MMP16: variants seen among roughly 807,000 people sequenced by gnomAD.
The protein encoded by MMP16 is matrix metallopeptidase 16, also known as matrix metalloproteinase-16.
MMP16 carries 12 observed loss-of-function variants against 67.8 expected under a neutral mutation model. The observed-to-expected ratio is 0.18, with a 90% CI of 0.11 to 0.29. The LOEUF (loss-of-function observed/expected upper bound fraction) is 0.29, where lower values mean the gene tolerates loss of function less well. MMP16 is among the 10% of genes least tolerant of loss of function. The probability of loss-of-function intolerance (pLI) is 1.00; values close to 1 mark genes in which losing one functional copy is unlikely to be tolerated. For synonymous variants in MMP16, 249 were observed against 255.9 expected (o/e 0.97, Z 0.26); for missense variants, 475 against 765.7 (o/e 0.62, Z 4.48).
intron 7 of MMP16, among the ~76,000 whole-genome samples, chr8:88,067,121 T>C (rs565689010): frequency 5.9e-5 from 9 of 152,184 alleles, no homozygotes; most frequent in Admixed American, 2.0e-4. Context: ...TTAAATGTTC[T>C]TTCTACTATT....
At chr8:88,098,422 G>T (rs967788658) in intron 6 of MMP16, among the ~76,000 whole-genome samples, 1 of 151,920 alleles carries the variant, frequency 6.6e-6, no homozygotes, top group African/African-American at 2.4e-5. Context: ...TCACATGGTT[G>T]GTATTTCTGG....
At chr8:88,198,463 C>T (rs1454963898) in intron 1 of MMP16, among the ~76,000 whole-genome samples, 1 of 152,086 alleles carries the variant, frequency 6.6e-6, no homozygotes, top group Non-Finnish European at 1.5e-5. Context: ...AAATGACCAT[C>T]CTATGAAATT....
chr8:88,068,802 A>G (rs540131458), intron 7 of MMP16, among the ~76,000 whole-genome samples: 1 of 152,088 alleles, frequency 6.6e-6, no homozygotes, highest in Non-Finnish European at 1.5e-5. Context: ...CCCGGGATCA[A>G]GAGATTCTCT....
At chr8:88,198,473 T>G (rs368172139) in intron 1 of MMP16, among the ~76,000 whole-genome samples, 2 of 152,150 alleles carry the variant, frequency 1.3e-5, no homozygotes, top group Non-Finnish European at 2.9e-5. Flanking sequence ...CCTATGAAAT[T>G]GTAGTTTTTC....
intron 1 of MMP16, among the ~76,000 whole-genome samples, chr8:88,253,154 C>A (rs913610180): frequency 4.0e-5 from 6 of 151,892 alleles, no homozygotes; most frequent in Non-Finnish European, 8.8e-5. Context: ...TTTGACACAG[C>A]TATTATTATG....
At chr8:88,306,643 G>A (rs990701900) in intron 1 of MMP16, among the ~76,000 whole-genome samples, 2 of 152,118 alleles carry the variant, frequency 1.3e-5, no homozygotes, top group South Asian at 4.1e-4. Flanking sequence ...ATCAGTAAAT[G>A]TGATTCATCA....
intron 3 of MMP16, among the ~76,000 whole-genome samples, chr8:88,180,898 T>C (rs1808968954): frequency 6.6e-6 from 1 of 152,164 alleles, no homozygotes; most frequent in African/African-American, 2.4e-5. Context: ...GAAAATCTAT[T>C]AATGTAATAT....
chr8:88,248,541 C>T (rs1810156072), intron 1 of MMP16, among the ~76,000 whole-genome samples: 1 of 152,036 alleles, frequency 6.6e-6, no homozygotes, highest in African/African-American at 2.4e-5. Flanking sequence ...CAGAGATTTC[C>T]ATGAGCTCCC....
At chr8:88,222,461 G>A (rs1175174133) in intron 1 of MMP16, among the ~76,000 whole-genome samples, 1 of 152,144 alleles carries the variant, frequency 6.6e-6, no homozygotes, top group Admixed American at 6.5e-5. Flanking sequence ...CAAGGCTACA[G>A]TAACCAAAGC....
At chr8:88,108,389 T>C (rs1809279025) in intron 6 of MMP16, among the ~76,000 whole-genome samples, 2 of 151,260 alleles carry the variant, frequency 1.3e-5, no homozygotes, top group Non-Finnish European at 3.0e-5. Flanking sequence ...AATTTAACAT[T>C]CCTGCTCACC....
In MMP16 at chr8:88,326,839, T is replaced by C. The variant is rs879907422; in HGVS notation, c.132+236A>G. On this transcript the variant is annotated intron_variant, in intron 1 of 9. Coordinates refer to ENST00000286614, the MANE Select transcript of MMP16 (RefSeq NM_005941.5). ...GTGAAAAGCATGGACCGGCTACAAT[T>C]GTGTCTTTGAGCGCGCAGCATCGTG... The C allele has an allele frequency of 7.5e-5, 34 of 451,496 alleles. 1 individual carries two copies. The highest frequency in any genetic ancestry group is 3.3e-4 in the South Asian group (13 of 39,266). 28.0% of individuals were successfully genotyped at this position (451,496 alleles called of 1,614,324 possible). A position where few individuals can be genotyped will look rare whatever the true frequency, so the allele number is the denominator to read the frequency against.
intron 1 of MMP16, among the ~76,000 whole-genome samples, chr8:88,275,121 T>C (rs1810625703): frequency 6.6e-6 from 1 of 152,002 alleles, no homozygotes. Flanking sequence ...GATAGAAGTA[T>C]GATTCATTTA....
intron 1 of MMP16, among the ~76,000 whole-genome samples, chr8:88,282,089 G>C (rs918756324): frequency 9.4e-5 from 14 of 148,536 alleles, no homozygotes; most frequent in African/African-American, 3.3e-4. Flanking sequence ...TTTTGGGGGG[G>C]GGGGGGCGAC....
intron 1 of MMP16, among the ~76,000 whole-genome samples, chr8:88,208,699 T>C (rs1417543882): frequency 6.6e-6 from 1 of 151,500 alleles, no homozygotes; most frequent in East Asian, 2.0e-4. Flanking sequence ...TAAAAAGCCA[T>C]CAATCTTGAA....
At chr8:88,162,909 C>T (rs889453991) in intron 4 of MMP16, among the ~76,000 whole-genome samples, 3 of 152,046 alleles carry the variant, frequency 2.0e-5, no homozygotes, top group African/African-American at 7.2e-5. Context: ...AATTAAATAT[C>T]TTTTGTTTAT....
intron 1 of MMP16, among the ~76,000 whole-genome samples, chr8:88,295,818 G>A (rs1029034407): frequency 9.2e-5 from 14 of 152,064 alleles, no homozygotes; most frequent in African/African-American, 3.4e-4. Flanking sequence ...AGCACAGATG[G>A]TAGGTAATAC....
At chr8:88,177,402 G>A (rs2129728592) in intron 3 of MMP16, among the ~76,000 whole-genome samples, 1 of 152,240 alleles carries the variant, frequency 6.6e-6, no homozygotes, top group Middle Eastern at 3.4e-3. Flanking sequence ...TGGAGAGAGG[G>A]GCAAATACAG....
chr8:88,171,082 G>T (rs1808792742), intron 3 of MMP16, among the ~76,000 whole-genome samples: 2 of 152,084 alleles, frequency 1.3e-5, no homozygotes, highest in Non-Finnish European at 2.9e-5. Context: ...ATGGTAGTAT[G>T]ATTTGTTTCT....
At chr8:88,228,635 C>T (rs1265924260) in intron 1 of MMP16, among the ~76,000 whole-genome samples, 1 of 152,048 alleles carries the variant, frequency 6.6e-6, no homozygotes, top group Non-Finnish European at 1.5e-5. Context: ...TAACTTCACA[C>T]ATCTGAGAGT....
Sources: allele counts gnomAD v4.1 joint callset (sites outside exome capture counted in the v4.1 genomes callset), GRCh38; gene constraint gnomAD v4.1.1; transcripts MANE v1.5; gene names NCBI Gene and HGNC (gene_info 2026-07-23, HGNC 2026-07-21).